The following TUBGCP3 variants were observed in gnomAD, a reference collection of about 807,000 sequenced individuals.
TUBGCP3 encodes the protein tubulin gamma complex component 3.
In TUBGCP3, 50 loss-of-function variants were observed where a neutral mutation model predicts 123.1. That is an observed-to-expected ratio of 0.41 (90% CI 0.32 to 0.51). The LOEUF is 0.51. TUBGCP3 is among the 20% of genes least tolerant of loss of function. The pLI is 0.36. For missense variants in TUBGCP3, 882 were observed against 1,127.0 expected, an observed-to-expected ratio of 0.78 and a Z score of 3.11; for synonymous variants, 405 against 413.9, an observed-to-expected ratio of 0.98 and a Z score of 0.26.
intron 2 of TUBGCP3, among the ~76,000 whole-genome samples, chr13:112,568,320 T>C (rs1205085940): frequency 8.7e-3 from 546 of 62,516 alleles, no homozygotes; most frequent in Middle Eastern, 0.017. Context: ...GCCAAATGGG[T>C]TTCTAGAAGG....
intron 1 of TUBGCP3, among the ~76,000 whole-genome samples, chr13:112,583,245 A>G (rs1050988336): frequency 6.6e-6 from 1 of 152,254 alleles, no homozygotes. Flanking sequence ...ACCTGAAAAT[A>G]TTAAATACAT....
At chr13:112,493,488 C>T (rs1422898474) in intron 20 of TUBGCP3, among the ~76,000 whole-genome samples, 1 of 144,998 alleles carries the variant, frequency 6.9e-6, no homozygotes, top group Non-Finnish European at 1.5e-5. Flanking sequence ...GCCTGGTGTC[C>T]CTGAGACGCT....
chr13:112,547,538 ATGGGAAAGTCGCG>A (rs1879127145), intron 10 of TUBGCP3, 69 bp downstream of exon 10: 40 of 1,243,338 alleles, frequency 3.2e-5, no homozygotes, highest in African/African-American at 4.2e-5. Flanking sequence ...AAAGACGTGC[ATGGGAAAGTCGCG>A]CGTGGGAAAG....
At chr13:112,590,222 C>A (rs1266719039), upstream of TUBGCP3, among the ~76,000 whole-genome samples, 1 of 152,070 alleles carries the variant, frequency 6.6e-6, no homozygotes, top group Admixed American at 6.6e-5. Context: ...GTGATGTGCC[C>A]GCCTCGGCCT....
chr13:112,487,071 G>GTGTGTC (rs1879730654), intron 21 of TUBGCP3, among the ~76,000 whole-genome samples: 1 of 147,430 alleles, frequency 6.8e-6, no homozygotes, highest in Non-Finnish European at 1.5e-5. Flanking sequence ...GTGTGTGTGT[G>GTGTGTC]TGTGTGTGTG....
chr13:112,543,906 A>G (rs1410158951), intron 11 of TUBGCP3, among the ~76,000 whole-genome samples: 5 of 152,250 alleles, frequency 3.3e-5, no homozygotes, highest in African/African-American at 1.2e-4. Flanking sequence ...ACTAACAGGT[A>G]ATCAGAAGAA....
chr13:112,521,794 G>A (rs1434719017), intron 14 of TUBGCP3: 1 of 985,272 alleles, frequency 1.0e-6, no homozygotes, highest in Non-Finnish European at 1.2e-6. Flanking sequence ...GCCGGGGTCT[G>A]CACTGTCTCT....
intron 1 of TUBGCP3, among the ~76,000 whole-genome samples, chr13:112,587,530 G>C (rs1368675327): frequency 6.6e-6 from 1 of 152,238 alleles, no homozygotes. Flanking sequence ...CCAGAGAAGG[G>C]GGATAAATTG....
Position 112,524,252 on chromosome 13 carries a change from A to C in TUBGCP3, c.1556-1743T>G, listed in dbSNP as rs1876863893. Among the ~76,000 whole-genome samples the C allele has an allele frequency of 6.6e-6, 1 of 152,188 alleles. No individual in the cohort carries two copies. The highest frequency in any genetic ancestry group is 1.5e-5 in the Non-Finnish European group (1 of 68,030). On this transcript the variant is annotated intron_variant, in intron 13 of 21. Coordinates refer to ENST00000261965, the MANE Select transcript of TUBGCP3 (RefSeq NM_006322.6). This position sits in a 1 kb window ranked among gnomAD's most constrained non-coding sequence, Gnocchi z 4.4. ...GTACATGCTATGCAAATAGCTGTTA[A>C]ATTGTCTTGGTTTTTTGTGTATTTT...
intron 21 of TUBGCP3, among the ~76,000 whole-genome samples, chr13:112,489,329 G>A (rs1022955764): frequency 6.6e-6 from 1 of 152,176 alleles, no homozygotes; most frequent in Non-Finnish European, 1.5e-5. Context: ...CCACCCCCGG[G>A]TGCCCGCATC....
At position 112,539,271 on chromosome 13, in the gene TUBGCP3, A is replaced by G. The variant is rs563615858; in HGVS notation, c.1335+6428T>C. Among the ~76,000 whole-genome samples the G allele has an allele frequency of 3.9e-5, 6 of 152,358 alleles. No individual in the cohort carries two copies. In the South Asian group the frequency reaches 1.2e-3, roughly 32 times the overall value. ...CCCAGAGAGGTGAAGGTATTTGCCC[A>G]GGATACAGAGTCATCAGAACCTGAA... On this transcript the variant is annotated intron_variant, in intron 11 of 21. Coordinates refer to ENST00000261965, the MANE Select transcript of TUBGCP3 (RefSeq NM_006322.6).
rs147178460 is a variant in TUBGCP3 at position 112,563,317 on chromosome 13, G to A, written c.252+1794C>T. Reference sequence around the variant, plus strand: ...GGATCAACAACCTTCACACTTCTGCGGAGCCATTTTTAGCAAAATGATGGA... The same window carrying A: ...GGATCAACAACCTTCACACTTCTGCAGAGCCATTTTTAGCAAAATGATGGA... On this transcript the variant is annotated intron_variant, in intron 3 of 21. Transcript: ENST00000261965. Among the ~76,000 whole-genome samples, 694 of 152,192 alleles carry A rather than the reference G, an allele frequency of 4.6e-3. 4 individuals are homozygous for A. Among genetic ancestry groups the A allele is most frequent in the Non-Finnish European group, 5.0e-3 (341 of 68,036 alleles).
At chr13:112,510,994 T>C (rs1348606449) in intron 17 of TUBGCP3, among the ~76,000 whole-genome samples, 1 of 152,176 alleles carries the variant, frequency 6.6e-6, no homozygotes, top group Non-Finnish European at 1.5e-5. Flanking sequence ...CACTGGACAG[T>C]TGATACACAT....
Position 112,527,473 on chromosome 13 carries a change from T to G in TUBGCP3, c.1347A>C (p.Ala449=). ...GATCTGTTTTAACTGTTGGATCTGA[T>G]GCTACAAAAAACTGAAAGCAAAGGG... ...LEDTYHEFFV[A]SDPTVKTDRL... Residue 449 remains alanine, a synonymous_variant, in exon 12 of 22, where the codon GCA becomes GCC. Coordinates refer to ENST00000261965, the MANE Select transcript of TUBGCP3 (RefSeq NM_006322.6). 1.9e-6 allele frequency: 3 copies of G among 1,612,756 alleles called. No homozygotes were observed. Among genetic ancestry groups the G allele is most frequent in the Non-Finnish European group, 2.5e-6 (3 of 1,179,362 alleles).
intron 20 of TUBGCP3, among the ~76,000 whole-genome samples, chr13:112,492,552 T>C (rs1880166758): frequency 6.7e-6 from 1 of 149,560 alleles, no homozygotes; most frequent in Non-Finnish European, 1.5e-5. Flanking sequence ...AGAGGAGCCC[T>C]GGCTATGGGA....
At chr13:112,576,853 T>C (rs1460705464) in intron 1 of TUBGCP3, among the ~76,000 whole-genome samples, 1 of 144,860 alleles carries the variant, frequency 6.9e-6, no homozygotes, top group Non-Finnish European at 1.5e-5. Flanking sequence ...TGATAAAATC[T>C]GGAAAAAGAA....
the TUBGCP3 span, among the ~76,000 whole-genome samples, chr13:112,593,219 A>G: frequency 0.32 from 48,615 of 151,860 alleles, 8,383 homozygotes; most frequent in African/African-American, 0.44. Context: ...AGGAGTTTGT[A>G]ACAAGGCTGG....
At chr13:112,539,815 T>C (rs9604343) in intron 11 of TUBGCP3, among the ~76,000 whole-genome samples, 33,715 of 122,540 alleles carry the variant, frequency 0.28, 1,029 homozygotes, top group African/African-American at 0.5. Context: ...TGGGAAAGGA[T>C]ACCTGGGAAT....
chr13:112,489,332 C>T (rs1399578727), intron 21 of TUBGCP3, among the ~76,000 whole-genome samples: 8 of 152,204 alleles, frequency 5.3e-5, no homozygotes, highest in African/African-American at 1.9e-4. Context: ...CCCCCGGGTG[C>T]CCGCATCCCA....
Sources: gnomAD v4.1 joint callset for allele counts (sites outside exome capture counted in the v4.1 genomes callset) on GRCh38, gnomAD v4.1.1 for gene constraint, Gnocchi (gnomAD v3.1) non-coding constraint, MANE v1.5 for transcripts, NCBI Gene and HGNC (gene_info 2026-07-23, HGNC 2026-07-21) for gene names.